The following DCDC2 variants were observed in gnomAD, a reference collection of about 807,000 sequenced individuals.
DCDC2 encodes the protein doublecortin domain-containing protein 2.
A neutral mutation model predicts 50.2 loss-of-function variants in DCDC2; 40 were observed. The observed-to-expected ratio is 0.80, with a 90% CI of 0.62 to 1.04. DCDC2 has a LOEUF of 1.04. Ranked by LOEUF, DCDC2 falls within the 50% of genes least tolerant of loss-of-function variation. The pLI, the probability that DCDC2 is intolerant of heterozygous loss-of-function variation, is 0.00. For missense variants in DCDC2, 570 were observed against 581.9 expected (o/e 0.98, Z 0.21); for synonymous variants, 234 against 210.6 (o/e 1.11, Z -0.96).
At chr6:24,301,370 C>CAAAAAAAA (rs59055669) in intron 4 of DCDC2, among the ~76,000 whole-genome samples, 2 of 64,096 alleles carry the variant, frequency 3.1e-5, no homozygotes, top group African/African-American at 7.3e-5. Flanking sequence ...GGCTCCATCT[C>CAAAAAAAA]AAAAAAAAAA....
chr6:24,340,869 G>A (rs1760141655), intron 2 of DCDC2, among the ~76,000 whole-genome samples: 1 of 152,126 alleles, frequency 6.6e-6, no homozygotes, highest in Admixed American at 6.5e-5. Flanking sequence ...GGGACTACAG[G>A]CACGTACCAC....
intron 7 of DCDC2, among the ~76,000 whole-genome samples, chr6:24,237,125 G>A (rs909102340): frequency 2.6e-5 from 4 of 151,738 alleles, no homozygotes; most frequent in African/African-American, 9.7e-5. Context: ...TTAGAGAAAT[G>A]CCATCAAAAC....
At chr6:24,291,635 G>A (rs549567785) in intron 4 of DCDC2, among the ~76,000 whole-genome samples, 18 of 151,286 alleles carry the variant, frequency 1.2e-4, no homozygotes, top group African/African-American at 3.4e-4. Context: ...ACAGGCGCCC[G>A]CCACTACGCC....
intron 6 of DCDC2, among the ~76,000 whole-genome samples, chr6:24,287,366 A>T (rs952539345): frequency 1.3e-5 from 2 of 151,976 alleles, no homozygotes; most frequent in Non-Finnish European, 2.9e-5. Flanking sequence ...ATTTTGTTTC[A>T]TTTTTTTGAG....
chr6:24,367,373 C>T, the DCDC2 span, among the ~76,000 whole-genome samples: 1 of 152,142 alleles, frequency 6.6e-6, no homozygotes, highest in African/African-American at 2.4e-5. Context: ...GAGAAGTTCC[C>T]CATGCAAATA....
intron 7 of DCDC2, among the ~76,000 whole-genome samples, chr6:24,229,822 T>C (rs540757708): frequency 3.3e-5 from 5 of 152,332 alleles, no homozygotes; most frequent in East Asian, 1.9e-4. Flanking sequence ...ATGAGTTCCA[T>C]GTCCACACTT....
chr6:24,185,186 T>C (rs1761163875), intron 8 of DCDC2, among the ~76,000 whole-genome samples: 1 of 152,210 alleles, frequency 6.6e-6, no homozygotes, highest in African/African-American at 2.4e-5. Context: ...ACGGCTGGTA[T>C]ATACCCTAAT....
rs192198438 is a variant in DCDC2, at chr6:24,265,536, T to C, written c.922+12513A>G. Among the ~76,000 whole-genome samples, 144 of 150,038 alleles carry C rather than the reference T, an allele frequency of 9.6e-4. No homozygotes were observed. In the East Asian group the frequency reaches 0.016, roughly 17 times the overall value. On this transcript the variant is annotated intron_variant, in intron 7 of 9. Transcript: ENST00000378454. ...ATCACAAAACAAGTTTTAAAAAAAC[T>C]CAAAAAAAATTGAAAACATATCAAG...
chr6:24,294,842 C>CA (rs1561763065), intron 4 of DCDC2, among the ~76,000 whole-genome samples: 1 of 151,858 alleles, frequency 6.6e-6, no homozygotes, highest in South Asian at 2.1e-4. Context: ...GCCTACCGAT[C>CA]AAAAAAAGCC....
At chr6:24,320,458 A>G (rs1389631094) in intron 2 of DCDC2, among the ~76,000 whole-genome samples, 1 of 152,156 alleles carries the variant, frequency 6.6e-6, no homozygotes, top group Non-Finnish European at 1.5e-5. Flanking sequence ...CAGCTTCCCA[A>G]GTAGCTGGGA....
chr6:24,218,629 G>A (rs963641116), intron 7 of DCDC2, among the ~76,000 whole-genome samples: 17 of 152,032 alleles, frequency 1.1e-4, no homozygotes, highest in East Asian at 1.9e-4. Flanking sequence ...CTGGGACTAC[G>A]GGCATGCATC....
intron 7 of DCDC2, among the ~76,000 whole-genome samples, chr6:24,210,016 C>CG (rs1561891501): frequency 1.9e-5 from 2 of 105,746 alleles, no homozygotes; most frequent in African/African-American, 6.5e-5. Flanking sequence ...GCAGCAGTAT[C>CG]AGGGTGTGTG....
At chr6:24,288,146 AGGGTGT>A (rs1453742125) in intron 6 of DCDC2, among the ~76,000 whole-genome samples, 1 of 152,234 alleles carries the variant, frequency 6.6e-6, no homozygotes. Context: ...TAATTAATTC[AGGGTGT>A]GGGTGGAAGA....
intron 6 of DCDC2, among the ~76,000 whole-genome samples, 178 bp from the exon 7 acceptor site, chr6:24,278,389 G>C (rs943036527): frequency 6.6e-6 from 1 of 152,172 alleles, no homozygotes; most frequent in Admixed American, 6.5e-5. Context: ...GGAGGCAAAA[G>C]GGTCTAGGAG....
chr6:24,199,577 A>C (rs1440062536), intron 8 of DCDC2, among the ~76,000 whole-genome samples: 3 of 152,228 alleles, frequency 2.0e-5, no homozygotes, highest in Admixed American at 6.5e-5. Flanking sequence ...AAAAGGCTGA[A>C]AATTCCAAAA....
At chr6:24,256,937 G>A (rs990368528) in intron 7 of DCDC2, among the ~76,000 whole-genome samples, 5 of 152,202 alleles carry the variant, frequency 3.3e-5, no homozygotes, top group East Asian at 1.9e-4. Context: ...ACTCAACCAC[G>A]TTGACTTTTT....
intron 7 of DCDC2, among the ~76,000 whole-genome samples, chr6:24,235,090 A>T (rs1762415811): frequency 6.6e-6 from 1 of 152,236 alleles, no homozygotes; most frequent in Non-Finnish European, 1.5e-5. Flanking sequence ...GAAATAAATG[A>T]GAATTTTAGT....
chr6:24,309,862 G>A (rs763529265), intron 2 of DCDC2, among the ~76,000 whole-genome samples: 24 of 152,104 alleles, frequency 1.6e-4, no homozygotes, highest in Non-Finnish European at 2.8e-4. Flanking sequence ...AGGTATGGTG[G>A]CCCATGCCCA....
chr6:24,352,413 G>C (rs1760390580), intron 2 of DCDC2, among the ~76,000 whole-genome samples: 1 of 152,042 alleles, frequency 6.6e-6, no homozygotes, highest in South Asian at 2.1e-4. Flanking sequence ...TCATTCTTTA[G>C]CTATATCATA....
Sources: gnomAD v4.1 joint callset for allele counts (sites outside exome capture counted in the v4.1 genomes callset) on GRCh38, gnomAD v4.1.1 for gene constraint, MANE v1.5 for transcripts, NCBI Gene and HGNC (gene_info 2026-07-23, HGNC 2026-07-21) for gene names.